Variants in SLIT3 observed in about 807,000 individuals in gnomAD.
SLIT3 encodes slit guidance ligand 3.
SLIT3 carries 68 observed loss-of-function variants against 184.0 expected under a neutral mutation model. The ratio of observed to expected loss-of-function variants is 0.37; its 90% CI spans 0.30 to 0.45. SLIT3 has a LOEUF of 0.45. Ranked by LOEUF, SLIT3 falls within the 20% of genes least tolerant of loss-of-function variation. SLIT3 has a pLI of 1.00. For synonymous variants in SLIT3, 831 were observed against 828.6 expected, an observed-to-expected ratio of 1.00 and a Z score of -0.05; for missense variants, 1,707 against 2,026.0, an observed-to-expected ratio of 0.84 and a Z score of 3.02.
intron 4 of SLIT3, among the ~76,000 whole-genome samples, chr5:169,166,615 T>C (rs1449484403): frequency 2.6e-5 from 4 of 152,152 alleles, no homozygotes; most frequent in African/African-American, 9.7e-5. Context: ...TCCATGGTAT[T>C]ATTACCATGC....
At position 168,735,698 on chromosome 5, in the gene SLIT3, ACACACAC is replaced by A. The variant is rs548157915; in HGVS notation, c.2271-11221_2271-11215del. Among the ~76,000 whole-genome samples, 456 of 141,134 alleles carry A rather than the reference ACACACAC, an allele frequency of 3.2e-3. 1 individual carries two copies. The highest frequency in any genetic ancestry group is 0.011 in the African/African-American group (437 of 39,358). 92.6% of individuals were successfully genotyped at this position (141,134 alleles called of 152,430 possible). A position where few individuals can be genotyped will look rare whatever the true frequency, so the allele number is the denominator to read the frequency against. On this transcript the variant is annotated intron_variant, in intron 20 of 35. Transcript: ENST00000519560. ...CACACACACACACACACACACACAC[ACACACAC>A]ATCTCCATCCAATAATACACATAGC...
chr5:168,696,465 CAG>C (rs778751415), intron 27 of SLIT3, 34 bp from the exon 28 acceptor site: 4 of 1,612,536 alleles, frequency 2.5e-6, no homozygotes, highest in Non-Finnish European at 3.4e-6. Flanking sequence ...GCAGGGGAGT[CAG>C]GGGTCAGGGA....
chr5:168,889,651 A>G (rs1157676352), intron 4 of SLIT3, among the ~76,000 whole-genome samples: 1 of 152,228 alleles, frequency 6.6e-6, no homozygotes, highest in African/African-American at 2.4e-5. Flanking sequence ...CTGATGGATT[A>G]AGTGTCAGCT....
intron 4 of SLIT3, among the ~76,000 whole-genome samples, chr5:168,988,471 C>T (rs1310247570): frequency 6.6e-6 from 1 of 152,116 alleles, no homozygotes; most frequent in African/African-American, 2.4e-5. Flanking sequence ...GACCCAGATC[C>T]TTGAGTCTAA....
At chr5:168,773,500 T>C (rs1477395240) in intron 13 of SLIT3, among the ~76,000 whole-genome samples, 1 of 152,088 alleles carries the variant, frequency 6.6e-6, no homozygotes, top group African/African-American at 2.4e-5. Flanking sequence ...CGTCAATATA[T>C]AGCAGCTGCT....
At chr5:168,823,404 G>T in intron 6 of SLIT3, 73 bp from the exon 7 acceptor site, 2 of 1,082,916 alleles carry the variant, frequency 1.8e-6, no homozygotes, top group Non-Finnish European at 2.9e-6. Context: ...GTAGTAGGTC[G>T]GGGGAGGGAT....
intron 4 of SLIT3, among the ~76,000 whole-genome samples, chr5:168,954,495 C>T (rs1762757467): frequency 6.6e-6 from 1 of 152,182 alleles, no homozygotes; most frequent in Non-Finnish European, 1.5e-5. Context: ...TCCCGGCTCA[C>T]AGCTCAAAGC....
At chr5:168,684,135 C>A in intron 31 of SLIT3, 39 bp from the exon 32 acceptor site, 1 of 1,524,788 alleles carries the variant, frequency 6.6e-7, no homozygotes. Context: ...AAGGGCTTAC[C>A]TGAGACTGAA....
intron 4 of SLIT3, among the ~76,000 whole-genome samples, chr5:169,059,247 A>C (rs928695781): frequency 1.3e-5 from 2 of 152,150 alleles, no homozygotes; most frequent in Admixed American, 6.5e-5. Flanking sequence ...GGAAGACACC[A>C]AGTGAAAAAA....
rs939041402 is a variant in SLIT3 at position 169,171,441 on chromosome 5, A to G, written c.413+22038T>C. ...GTGTGGGGAGGTGGAGGGAAAAAGTACAAGTGTCTGTTGCAAGTTTCCTTT... is the reference window on the plus strand; with the variant it reads ...GTGTGGGGAGGTGGAGGGAAAAAGTGCAAGTGTCTGTTGCAAGTTTCCTTT... On this transcript the variant is annotated intron_variant, in intron 4 of 35. Transcript: ENST00000519560. Among the ~76,000 whole-genome samples the G allele has an allele frequency of 2.0e-5, 3 of 152,332 alleles. No homozygotes were observed. The South Asian group carries it at 6.2e-4, about 32-fold the overall frequency.
intron 4 of SLIT3, among the ~76,000 whole-genome samples, chr5:169,010,820 T>G (rs1207746111): frequency 6.6e-6 from 1 of 151,670 alleles, no homozygotes; most frequent in Non-Finnish European, 1.5e-5. Context: ...GGAGAATTGC[T>G]TGAACCCAGG....
chr5:168,884,427 T>TCTCACACACA (rs1451821641), intron 4 of SLIT3, among the ~76,000 whole-genome samples: 2 of 144,262 alleles, frequency 1.4e-5, no homozygotes, highest in Non-Finnish European at 3.0e-5. Context: ...TCTCTCTCTC[T>TCTCACACACA]CACACACACA....
intron 5 of SLIT3, 71 bp from the exon 6 acceptor site, chr5:168,844,726 C>G: frequency 7.0e-7 from 1 of 1,438,660 alleles, no homozygotes; most frequent in Non-Finnish European, 9.8e-7. Context: ...CCAGGCCACC[C>G]GAGCGCCTGT....
At chr5:168,722,213 C>T (rs753951477) in intron 23 of SLIT3, 43 bp downstream of exon 23, 1 of 1,571,834 alleles carries the variant, frequency 6.4e-7, no homozygotes, top group South Asian at 1.1e-5. Flanking sequence ...CCTGCTGTCA[C>T]TCAGCAATGT....
At chr5:168,877,277 G>A (rs561116290) in intron 5 of SLIT3, among the ~76,000 whole-genome samples, 1 of 152,334 alleles carries the variant, frequency 6.6e-6, no homozygotes, top group Non-Finnish European at 1.5e-5. Flanking sequence ...GAGCCGGGAT[G>A]TGAAGGATCA....
chr5:168,823,194 T>C (rs933439550), intron 7 of SLIT3, 66 bp downstream of exon 7: 4 of 1,205,182 alleles, frequency 3.3e-6, no homozygotes, highest in Non-Finnish European at 5.0e-6. Flanking sequence ...ACAAGCAGCG[T>C]AGAGTGCTGC....
chr5:168,897,646 G>GCGCGCGCACACACACACACACACACA, intron 4 of SLIT3, among the ~76,000 whole-genome samples: 27 of 105,446 alleles, frequency 2.6e-4, no homozygotes, highest in African/African-American at 8.8e-4. Context: ...ACAGGTGCAC[G>GCGCGCGCACACACACACACACACACA]TACACACACA....
intron 4 of SLIT3, among the ~76,000 whole-genome samples, chr5:169,111,066 G>A (rs898516865): frequency 1.8e-4 from 28 of 152,190 alleles, no homozygotes; most frequent in Admixed American, 1.3e-4. Flanking sequence ...ATCCTTCCTC[G>A]CAGGGCCTTG....
At chr5:168,888,601 C>T (rs1236760544) in intron 4 of SLIT3, among the ~76,000 whole-genome samples, 3 of 152,222 alleles carry the variant, frequency 2.0e-5, no homozygotes, top group East Asian at 3.9e-4. Flanking sequence ...AACTAACTGA[C>T]CAAAGAATGT....
Sources: allele counts gnomAD v4.1 joint callset (sites outside exome capture counted in the v4.1 genomes callset), GRCh38; gene constraint gnomAD v4.1.1; transcripts MANE v1.5; gene names NCBI Gene and HGNC (gene_info 2026-07-23, HGNC 2026-07-21).